FMC1: variants seen among roughly 807,000 people sequenced by gnomAD.
FMC1 encodes protein FMC1 homolog.
FMC1 carries 6 observed loss-of-function variants against 10.5 expected under a neutral mutation model. The observed-to-expected ratio is 0.57, with a 90% CI of 0.31 to 1.12. FMC1 has a LOEUF of 1.12. Ranked by LOEUF, FMC1 falls within the 50% of genes most tolerant of loss-of-function variation. The pLI is 0.05. For missense variants in FMC1, 146 were observed against 151.7 expected, an observed-to-expected ratio of 0.96 and a Z score of 0.20; for synonymous variants, 59 against 62.1, an observed-to-expected ratio of 0.95 and a Z score of 0.24.
intron 1 of FMC1, among the ~76,000 whole-genome samples, chr7:139,344,129 T>G (rs962299201): frequency 6.6e-6 from 1 of 151,968 alleles, no homozygotes; most frequent in African/African-American, 2.4e-5. Flanking sequence ...TTAAGTATGA[T>G]GAAGAAAAAA....
upstream of FMC1, among the ~76,000 whole-genome samples, chr7:139,340,786 GTCCTTTT>G (rs1400561202): frequency 2.7e-5 from 4 of 150,696 alleles, no homozygotes; most frequent in Non-Finnish European, 5.9e-5. Context: ...TGTGACTTTT[GTCCTTTT>G]TTCCCCTTTC....
chr7:139,345,686 G>A lies in FMC1; in HGVS notation c.324G>A (p.Gly108=). ...VGLKLPHQPG[G]KGWEP is the part of the protein sequence containing the mutation. ...TCAAGTTGCCCCATCAGCCTGGAGG[G>A]AAGGGCTGGGAGCCATGAACATGGA... Residue 108 remains glycine (G), a synonymous_variant, in exon 2 of 2, where the codon GGG becomes GGA. Transcript: ENST00000297534. 3 of 1,614,128 alleles carry A rather than the reference G, an allele frequency of 1.9e-6. No homozygotes were observed. Among genetic ancestry groups the A allele is most frequent in the South Asian group, 2.2e-5 (2 of 91,078 alleles).
In FMC1 at chr7:139,341,534, A is replaced by G; in HGVS notation, c.138+12A>G. On this transcript the variant is annotated intron_variant, in intron 1 of 1. Coordinates refer to ENST00000297534, the MANE Select transcript of FMC1 (RefSeq NM_197964.5). ...TCCGTGCACATCGGGTACGGGAGCC[A>G]TGTCCCGGGTGCTCTACGTGCTGGG... 1 of 1,609,016 alleles carries G rather than the reference A, an allele frequency of 6.2e-7. No individual in the cohort carries two copies. Among genetic ancestry groups the G allele is most frequent in the Non-Finnish European group, 8.5e-7 (1 of 1,176,384 alleles).
chr7:139,343,682 C>G (rs1799113519), intron 1 of FMC1, among the ~76,000 whole-genome samples: 1 of 152,112 alleles, frequency 6.6e-6, no homozygotes, highest in Non-Finnish European at 1.5e-5. Context: ...CACCTGTAAT[C>G]CCAGCACTCT....
intron 1 of FMC1, among the ~76,000 whole-genome samples, chr7:139,342,184 T>A (rs1400269505): frequency 3.3e-5 from 4 of 121,346 alleles, no homozygotes; most frequent in Non-Finnish European, 4.7e-5. Flanking sequence ...CAGATGCACA[T>A]GTGTCCTGTC....
upstream of FMC1, chr7:139,341,304 C>T (rs1798942714): frequency 6.5e-7 from 1 of 1,532,928 alleles, no homozygotes; most frequent in Non-Finnish European, 8.8e-7. Flanking sequence ...TCCGACCGTA[C>T]CATTAGGCGC....
chr7:139,341,282 G>T, upstream of FMC1: 1 of 1,499,374 alleles, frequency 6.7e-7, no homozygotes, highest in Non-Finnish European at 8.9e-7. Context: ...GATAGGGGGA[G>T]TCGGTAGTCT....
At chr7:139,340,821 G>A (rs1463110690), upstream of FMC1, among the ~76,000 whole-genome samples, 1 of 149,862 alleles carries the variant, frequency 6.7e-6, no homozygotes, top group African/African-American at 2.5e-5. Context: ...AGCGAAATAT[G>A]CCAACTTTAC....
rs576100575 is a variant in FMC1 at position 139,346,317 on chromosome 7, C to G, written c.*613C>G. 1 of 152,070 alleles carries G rather than the reference C, an allele frequency of 6.6e-6. No homozygotes were observed. Among genetic ancestry groups the G allele is most frequent in the East Asian group, 1.9e-4 (1 of 5,198 alleles). 9.4% of individuals were successfully genotyped at this position (152,070 alleles called of 1,614,324 possible). On this transcript the variant is annotated 3_prime_UTR_variant, in exon 2 of 2. Transcript: ENST00000297534. ...TTATAAACATAAAATAAAAGAAACC[C>G]TCTTTTCCTTTGTCCTTTTCCCTTG... is the stretch of plus-strand genomic sequence containing the variant.
upstream of FMC1, among the ~76,000 whole-genome samples, chr7:139,340,831 C>CT (rs112287672): frequency 0.17 from 25,075 of 145,056 alleles, 2,123 homozygotes; most frequent in Middle Eastern, 0.28. Context: ...GCCAACTTTA[C>CT]TTTTTTTTTT....
Position 139,341,382 on chromosome 7 carries a change from A to C in FMC1, c.-3A>C, listed in dbSNP as rs1290153734. On this transcript the variant is annotated 5_prime_UTR_variant, in exon 1 of 2. Coordinates refer to ENST00000297534, the MANE Select transcript of FMC1 (RefSeq NM_197964.5). ...GGCACCACGCTCGGAGAAGGACAGGACAATGGCGGCCTTAGGGTCCCCGTC... is the reference window on the plus strand; with the variant it reads ...GGCACCACGCTCGGAGAAGGACAGGCCAATGGCGGCCTTAGGGTCCCCGTC... 3.1e-6 allele frequency: 5 copies of C among 1,612,338 alleles called. No homozygotes were observed. In the Admixed American group the frequency reaches 8.3e-5, roughly 27 times the overall value.
intron 1 of FMC1, 62 bp downstream of exon 1, chr7:139,341,584 C>T: frequency 6.3e-7 from 1 of 1,581,516 alleles, no homozygotes; most frequent in Non-Finnish European, 8.6e-7. Context: ...CGGGTCTGGG[C>T]TAGGGTGGGG....
At chr7:139,341,819 C>T (rs1318612062) in intron 1 of FMC1, among the ~76,000 whole-genome samples, 1 of 152,106 alleles carries the variant, frequency 6.6e-6, no homozygotes, top group Non-Finnish European at 1.5e-5. Context: ...CTGCGGAGGG[C>T]AGTCAGGAAA....
chr7:139,340,713 A>T, upstream of FMC1: 1 of 389,374 alleles, frequency 2.6e-6, no homozygotes, highest in Non-Finnish European at 4.5e-6. Context: ...CCAGTGGCCT[A>T]ATGGATAAGG....
chr7:139,342,725 GTGT>G (rs1290310171), intron 1 of FMC1, among the ~76,000 whole-genome samples: 8 of 152,166 alleles, frequency 5.3e-5, no homozygotes, highest in African/African-American at 1.9e-4. Context: ...GCCTCCCAAA[GTGT>G]TGTAATTACA....
At chr7:139,341,246 G>C, upstream of FMC1, 1 of 1,414,166 alleles carries the variant, frequency 7.1e-7, no homozygotes, top group East Asian at 2.4e-5. Flanking sequence ...CAACGGACAA[G>C]TGAGCGGTTC....
intron 1 of FMC1, 43 bp from the exon 2 acceptor site, chr7:139,345,458 A>G (rs754072562): frequency 6.2e-7 from 1 of 1,611,426 alleles, no homozygotes; most frequent in Non-Finnish European, 8.5e-7. Context: ...GTGGACCTGT[A>G]TCTCTAGCTG....
At chr7:139,341,313 G>A, upstream of FMC1, 1 of 1,543,728 alleles carries the variant, frequency 6.5e-7, no homozygotes. Context: ...ACCATTAGGC[G>A]CCTGGGCCGG....
chr7:139,340,533 C>T (rs989022209), upstream of FMC1: 2 of 398,366 alleles, frequency 5.0e-6, no homozygotes, highest in Admixed American at 4.4e-5. Flanking sequence ...GCCTTTGGCG[C>T]GGTGATGTGG....
Sources: gnomAD v4.1 joint callset for allele counts (sites outside exome capture counted in the v4.1 genomes callset) on GRCh38, gnomAD v4.1.1 for gene constraint, MANE v1.5 for transcripts, NCBI Gene and HGNC (gene_info 2026-07-23, HGNC 2026-07-21) for gene names.